LRP1B: variants seen among roughly 807,000 people sequenced by gnomAD.
The protein encoded by LRP1B is LDL receptor related protein 1B.
A neutral mutation model predicts 556.6 loss-of-function variants in LRP1B; 217 were observed. That is an observed-to-expected ratio of 0.39 (90% CI 0.35 to 0.44). The LOEUF (loss-of-function observed/expected upper bound fraction) is 0.44. LRP1B is among the 20% of genes least tolerant of loss of function. The pLI is 1.00. For synonymous variants in LRP1B, 2,047 were observed against 1,865.8 expected, an observed-to-expected ratio of 1.10 and a Z score of -2.50; for missense variants, 5,053 against 5,620.8, an observed-to-expected ratio of 0.90 and a Z score of 3.23.
At chr2:142,128,767 G>A (rs1035683308) in intron 1 of LRP1B, among the ~76,000 whole-genome samples, 4 of 152,188 alleles carry the variant, frequency 2.6e-5, no homozygotes, top group Admixed American at 2.0e-4. Flanking sequence ...ACTAGCAATC[G>A]TTTACCATGT....
At chr2:141,834,967 C>G (rs904158164) in intron 1 of LRP1B, among the ~76,000 whole-genome samples, 11 of 151,728 alleles carry the variant, frequency 7.2e-5, no homozygotes, top group Non-Finnish European at 1.6e-4. Flanking sequence ...AGACCTTAGA[C>G]TTAGGATATA....
chr2:141,817,093 T>C (rs1696583675), intron 1 of LRP1B, among the ~76,000 whole-genome samples: 1 of 152,210 alleles, frequency 6.6e-6, no homozygotes, highest in African/African-American at 2.4e-5. Context: ...TCCACTTTAT[T>C]GAGTTCCTTG....
chr2:141,455,525 T>C (rs949054096), intron 3 of LRP1B, among the ~76,000 whole-genome samples: 1 of 152,008 alleles, frequency 6.6e-6, no homozygotes, highest in Non-Finnish European at 1.5e-5. Flanking sequence ...CTTTTGGTTT[T>C]TGAGTGAAGC....
intron 7 of LRP1B, among the ~76,000 whole-genome samples, chr2:141,090,275 G>T (rs1298714278): frequency 6.6e-6 from 1 of 152,136 alleles, no homozygotes; most frequent in Non-Finnish European, 1.5e-5. Context: ...AAAGCAAAAA[G>T]ATTACTATGA....
At chr2:140,858,032 A>G (rs898188032) in intron 27 of LRP1B, among the ~76,000 whole-genome samples, 25 of 152,180 alleles carry the variant, frequency 1.6e-4, no homozygotes, top group Non-Finnish European at 3.2e-4. Context: ...GTGGTTCTCA[A>G]TCCTTGGAGA....
intron 37 of LRP1B, among the ~76,000 whole-genome samples, chr2:140,711,430 C>T (rs1224598916): frequency 6.6e-6 from 1 of 152,058 alleles, no homozygotes; most frequent in Non-Finnish European, 1.5e-5. Context: ...CCCTGGTCTA[C>T]TCTTGACTTC....
At chr2:141,514,453 GT>G (rs1382711363) in intron 2 of LRP1B, among the ~76,000 whole-genome samples, 1 of 152,130 alleles carries the variant, frequency 6.6e-6, no homozygotes. Flanking sequence ...TATTGCATGT[GT>G]TTTGTTGTGT....
chr2:140,783,615 A>G (rs148412601), intron 32 of LRP1B, among the ~76,000 whole-genome samples: 180 of 152,320 alleles, frequency 1.2e-3, no homozygotes, highest in African/African-American at 4.1e-3. Flanking sequence ...CTAGACCTGC[A>G]ATAGGAGGAG....
chr2:141,300,651 T>A (rs750869074), intron 3 of LRP1B, among the ~76,000 whole-genome samples: 22 of 152,122 alleles, frequency 1.4e-4, no homozygotes, highest in Non-Finnish European at 1.9e-4. Flanking sequence ...GAGATTTGCT[T>A]GTTTCAGAGT....
intron 66 of LRP1B, among the ~76,000 whole-genome samples, chr2:140,419,229 A>G (rs1685330890): frequency 1.3e-5 from 2 of 152,228 alleles, no homozygotes; most frequent in Non-Finnish European, 2.9e-5. Flanking sequence ...TCCTAATGAT[A>G]GATGAATCAG....
Position 140,867,586 on chromosome 2 carries a change from T to C in LRP1B, c.4579+4A>G. 2 of 1,611,398 alleles carry C rather than the reference T, an allele frequency of 1.2e-6. No individual in the cohort carries two copies. The highest frequency in any genetic ancestry group is 2.2e-5 in the East Asian group (1 of 44,832). ...GGTTAATCCATAAGTGAACAAGCAC[T>C]TACCCTGTGGCTGGCGACTGGGATG... On this transcript the variant is annotated splice_donor_region_variant and intron_variant, in intron 27 of 90. Coordinates refer to ENST00000389484, the MANE Select transcript of LRP1B (RefSeq NM_018557.3).
At chr2:141,026,001 T>C (rs2105406094) in intron 11 of LRP1B, among the ~76,000 whole-genome samples, 1 of 152,206 alleles carries the variant, frequency 6.6e-6, no homozygotes, top group East Asian at 1.9e-4. Context: ...TTGGATAATA[T>C]TAGAGTCTTC....
At chr2:140,796,730 T>A (rs1357583953) in intron 32 of LRP1B, among the ~76,000 whole-genome samples, 1 of 152,110 alleles carries the variant, frequency 6.6e-6, no homozygotes, top group African/African-American at 2.4e-5. Flanking sequence ...TTGAAAAGTA[T>A]GATTTGAAAG....
At chr2:141,632,189 G>T (rs972030485) in intron 2 of LRP1B, among the ~76,000 whole-genome samples, 1 of 152,068 alleles carries the variant, frequency 6.6e-6, no homozygotes, top group African/African-American at 2.4e-5. Flanking sequence ...CTCCCAAAGT[G>T]CTGGGGTAAC....
chr2:140,522,862 A>G (rs1183098459), intron 49 of LRP1B, among the ~76,000 whole-genome samples: 1 of 151,994 alleles, frequency 6.6e-6, no homozygotes, highest in African/African-American at 2.4e-5. Context: ...GAAAACATGA[A>G]TAGATCAATG....
At chr2:141,973,544 C>T (rs996124624) in intron 1 of LRP1B, among the ~76,000 whole-genome samples, 1 of 151,720 alleles carries the variant, frequency 6.6e-6, no homozygotes, top group Admixed American at 6.6e-5. Context: ...GCTGTTAATA[C>T]CTTGCAATGT....
At chr2:140,965,147 A>G (rs1696164300) in intron 18 of LRP1B, among the ~76,000 whole-genome samples, 1 of 152,180 alleles carries the variant, frequency 6.6e-6, no homozygotes, top group Admixed American at 6.5e-5. Flanking sequence ...AGGGCATATT[A>G]AAGTTCCCCT....
intron 11 of LRP1B, among the ~76,000 whole-genome samples, chr2:141,037,389 G>A (rs533302196): frequency 1.3e-5 from 2 of 152,156 alleles, no homozygotes; most frequent in South Asian, 4.1e-4. Flanking sequence ...AGAGGATGGA[G>A]GGATACTTTT....
Position 140,810,472 on chromosome 2 carries a change from G to GT in LRP1B, c.5359+3184dup, listed in dbSNP as rs56712346. ...GGTTCCTGTGTTTTACTTTTTCATT[G>GT]TTTTTTTTTATATGACTATAGTATT... On this transcript the variant is annotated intron_variant, in intron 32 of 90. Coordinates refer to ENST00000389484, the MANE Select transcript of LRP1B (RefSeq NM_018557.3). 2.8e-3 allele frequency among the ~76,000 whole-genome samples: 418 copies of GT among 151,110 alleles called. 1 individual carries two copies. Among genetic ancestry groups the GT allele is most frequent in the Non-Finnish European group, 3.9e-3 (267 of 67,816 alleles).
Sources: gnomAD v4.1 joint callset for allele counts (sites outside exome capture counted in the v4.1 genomes callset) on GRCh38, gnomAD v4.1.1 for gene constraint, MANE v1.5 for transcripts, NCBI Gene and HGNC (gene_info 2026-07-23, HGNC 2026-07-21) for gene names.